Variants in CNTN5 observed in about 807,000 individuals in gnomAD.
CNTN5 encodes contactin 5, also known as contactin-5.
Under a neutral mutation model 129.1 loss-of-function variants are expected in CNTN5, and 77 were observed. That is an observed-to-expected ratio of 0.60 (90% confidence interval 0.50 to 0.72). CNTN5 has a LOEUF of 0.72. CNTN5 is among the 30% of genes least tolerant of loss of function. The pLI, the probability that CNTN5 is intolerant of heterozygous loss-of-function variation, is 0.00. For synonymous variants in CNTN5, 509 were observed against 465.6 expected (o/e 1.09, Z -1.20); for missense variants, 1,478 against 1,328.8 (o/e 1.11, Z -1.75).
chr11:99,780,932 G>T (rs914019528), intron 3 of CNTN5, among the ~76,000 whole-genome samples: 1 of 152,054 alleles, frequency 6.6e-6, no homozygotes, highest in Non-Finnish European at 1.5e-5. Flanking sequence ...TGTAGATCAG[G>T]AAGGGAAAGG....
chr11:99,453,756 G>A (rs1473759078), intron 2 of CNTN5, among the ~76,000 whole-genome samples: 1 of 152,088 alleles, frequency 6.6e-6, no homozygotes, highest in African/African-American at 2.4e-5. Context: ...ATATCTGTTA[G>A]GAAGAAATTA....
chr11:99,881,750 C>T (rs1468531467), intron 6 of CNTN5, among the ~76,000 whole-genome samples: 2 of 152,152 alleles, frequency 1.3e-5, no homozygotes, highest in East Asian at 1.9e-4. Flanking sequence ...GCTGGGTTTT[C>T]GGTCATTACT....
chr11:99,698,364 C>T (rs901326241), intron 3 of CNTN5, among the ~76,000 whole-genome samples: 3 of 151,036 alleles, frequency 2.0e-5, no homozygotes, highest in Non-Finnish European at 3.0e-5. Context: ...CACTAAAAAC[C>T]GTATTCTAAA....
chr11:99,890,331 A>T (rs1465921346), intron 6 of CNTN5, among the ~76,000 whole-genome samples: 1 of 152,148 alleles, frequency 6.6e-6, no homozygotes, highest in Admixed American at 6.6e-5. Flanking sequence ...TATGAATCAT[A>T]CTGAAGTATA....
intron 3 of CNTN5, among the ~76,000 whole-genome samples, chr11:99,746,125 G>A (rs1944047929): frequency 6.6e-6 from 1 of 152,002 alleles, no homozygotes; most frequent in African/African-American, 2.4e-5. Flanking sequence ...TGTGCATTTG[G>A]GGTCATACTA....
intron 2 of CNTN5, among the ~76,000 whole-genome samples, chr11:99,468,710 C>CATTG (rs1252904569): frequency 6.7e-6 from 1 of 148,184 alleles, no homozygotes; most frequent in African/African-American, 2.5e-5. Context: ...AAAGAGGCTG[C>CATTG]ATTGATGTTT....
intron 3 of CNTN5, among the ~76,000 whole-genome samples, chr11:99,625,677 T>G (rs1011411151): frequency 3.3e-5 from 5 of 152,138 alleles, no homozygotes; most frequent in African/African-American, 4.8e-5. Context: ...AGTACATCAT[T>G]AAATCTTATA....
chr11:99,116,866 G>A (rs1251354100), intron 1 of CNTN5, among the ~76,000 whole-genome samples: 2 of 152,140 alleles, frequency 1.3e-5, no homozygotes, highest in Non-Finnish European at 2.9e-5. Context: ...GGGCATCCAA[G>A]TAAATAGAGT....
intron 1 of CNTN5, among the ~76,000 whole-genome samples, chr11:99,164,149 A>G (rs1860759778): frequency 6.6e-6 from 1 of 152,006 alleles, no homozygotes; most frequent in Admixed American, 6.6e-5. Flanking sequence ...AACATGGTGA[A>G]ACCCTGTCTC....
intron 3 of CNTN5, among the ~76,000 whole-genome samples, chr11:99,564,653 T>C (rs1205983640): frequency 6.6e-6 from 1 of 152,216 alleles, no homozygotes; most frequent in African/African-American, 2.4e-5. Context: ...AGCCTATTTT[T>C]AATATATATG....
Position 99,255,800 on chromosome 11 carries a change from GCA to G in CNTN5, c.-209-69532_-209-69531del, listed in dbSNP as rs140725036. Among the ~76,000 whole-genome samples, 1,034 of 146,518 alleles carry G rather than the reference GCA, an allele frequency of 7.1e-3. 5 individuals carry two copies. Among genetic ancestry groups the G allele is most frequent in the South Asian group, 0.019 (88 of 4,648 alleles). On this transcript the variant is annotated intron_variant, in intron 1 of 24. Coordinates refer to ENST00000524871, the MANE Select transcript of CNTN5 (RefSeq NM_014361.4). Reference sequence around the variant, plus strand: ...CACATACATGCATAAACACACACACGCACACACACACACACGCACACGCACAC... The same window carrying G: ...CACATACATGCATAAACACACACACGCACACACACACACGCACACGCACAC...
chr11:100,246,435 A>G (rs2138696905), intron 16 of CNTN5, among the ~76,000 whole-genome samples: 1 of 152,296 alleles, frequency 6.6e-6, no homozygotes, highest in South Asian at 2.1e-4. Flanking sequence ...TATAGAGTAC[A>G]TAAACATTTT....
intron 18 of CNTN5, among the ~76,000 whole-genome samples, chr11:100,285,728 C>T (rs1007963383): frequency 1.3e-5 from 2 of 152,158 alleles, no homozygotes; most frequent in Non-Finnish European, 2.9e-5. Flanking sequence ...ATATTTCTGG[C>T]CACAAAAGGA....
At chr11:99,796,458 G>C (rs1429886034) in intron 3 of CNTN5, among the ~76,000 whole-genome samples, 1 of 151,976 alleles carries the variant, frequency 6.6e-6, no homozygotes, top group African/African-American at 2.4e-5. Context: ...TATGGTGGGG[G>C]GTAAGTGCGA....
chr11:99,920,440 G>A (rs1291812037), intron 7 of CNTN5, among the ~76,000 whole-genome samples: 1 of 152,112 alleles, frequency 6.6e-6, no homozygotes, highest in African/African-American at 2.4e-5. Context: ...TGGCTTGTAT[G>A]TATATCCAAC....
chr11:99,285,351 G>T (rs1863886929), intron 1 of CNTN5, among the ~76,000 whole-genome samples: 1 of 151,958 alleles, frequency 6.6e-6, no homozygotes, highest in Admixed American at 6.6e-5. Context: ...ATACTCCTAG[G>T]GTTTTTCTTT....
intron 16 of CNTN5, among the ~76,000 whole-genome samples, chr11:100,251,779 A>C (rs188770196): frequency 6.6e-6 from 1 of 152,246 alleles, no homozygotes; most frequent in East Asian, 1.9e-4. Flanking sequence ...ATAGTATTCC[A>C]TGGTGTATAT....
At chr11:99,696,520 G>T (rs529802415) in intron 3 of CNTN5, among the ~76,000 whole-genome samples, 4 of 152,086 alleles carry the variant, frequency 2.6e-5, no homozygotes, top group South Asian at 4.2e-4. Context: ...CTGGGTGTTT[G>T]ATTTTAGACT....
chr11:99,858,448 C>G (rs184371066), intron 6 of CNTN5, among the ~76,000 whole-genome samples: 5 of 151,950 alleles, frequency 3.3e-5, no homozygotes, highest in Admixed American at 6.6e-5. Context: ...TAAAGAAAAT[C>G]TCTATGTCTC....
Sources: allele counts gnomAD v4.1 joint callset (sites outside exome capture counted in the v4.1 genomes callset), GRCh38; gene constraint gnomAD v4.1.1; transcripts MANE v1.5; gene names NCBI Gene and HGNC (gene_info 2026-07-23, HGNC 2026-07-21).